KCNIP4: variants seen among roughly 807,000 people sequenced by gnomAD.
The protein encoded by KCNIP4 is Kv channel-interacting protein 4.
A neutral mutation model predicts 34.0 loss-of-function variants in KCNIP4; 12 were observed. That is an observed-to-expected ratio of 0.35 (90% CI 0.23 to 0.57). The LOEUF is 0.57. Among genes scored for constraint, KCNIP4 ranks in the 20% least tolerant of loss-of-function variants. The pLI is 0.83. For synonymous variants in KCNIP4, 124 were observed against 102.2 expected (o/e 1.21, Z -1.29); for missense variants, 238 against 311.7 (o/e 0.76, Z 1.78).
intron 1 of KCNIP4, among the ~76,000 whole-genome samples, chr4:21,099,281 T>C (rs532597995): frequency 1.2e-4 from 18 of 152,276 alleles, no homozygotes; most frequent in Non-Finnish European, 2.2e-4. Context: ...TGGAATACTA[T>C]GCAGCCATAA....
chr4:21,587,454 A>G (rs1329552616), intron 1 of KCNIP4, among the ~76,000 whole-genome samples: 2 of 152,078 alleles, frequency 1.3e-5, no homozygotes, highest in African/African-American at 2.4e-5. Context: ...TCAATTTTCA[A>G]AATAGAAAGA....
intron 1 of KCNIP4, among the ~76,000 whole-genome samples, chr4:20,934,708 TAA>T (rs1413726442): frequency 6.6e-6 from 1 of 152,138 alleles, no homozygotes; most frequent in Non-Finnish European, 1.5e-5. Flanking sequence ...AAAAAATAAG[TAA>T]AAAATATAAA....
intron 1 of KCNIP4, among the ~76,000 whole-genome samples, chr4:21,249,158 A>G (rs1394757110): frequency 6.6e-6 from 1 of 152,170 alleles, no homozygotes; most frequent in Non-Finnish European, 1.5e-5. Flanking sequence ...TAATATTTTC[A>G]GTCTCTGGGG....
At chr4:20,831,163 C>T in intron 3 of KCNIP4, among the ~76,000 whole-genome samples, 1 of 152,020 alleles carries the variant, frequency 6.6e-6, no homozygotes, top group East Asian at 1.9e-4. Context: ...ATTGGAAGGG[C>T]TCAGCAATTG....
intron 1 of KCNIP4, among the ~76,000 whole-genome samples, chr4:21,079,106 C>T (rs1005648602): frequency 7.2e-5 from 11 of 151,996 alleles, no homozygotes; most frequent in African/African-American, 2.7e-4. Flanking sequence ...CTCTATCCTT[C>T]CTGCTTATTT....
At chr4:21,845,700 A>T (rs1723973476) in intron 1 of KCNIP4, 1 of 152,066 alleles carries the variant, frequency 6.6e-6, no homozygotes, top group Admixed American at 6.6e-5. Flanking sequence ...TCGATTCGAC[A>T]TGTAGCTTGG....
At chr4:20,793,717 C>T (rs1437920408) in intron 3 of KCNIP4, among the ~76,000 whole-genome samples, 1 of 151,990 alleles carries the variant, frequency 6.6e-6, no homozygotes, top group Non-Finnish European at 1.5e-5. Context: ...AATTACACAA[C>T]TCACCATAAT....
chr4:20,814,176 C>T (rs891917201), intron 3 of KCNIP4, among the ~76,000 whole-genome samples: 1 of 152,158 alleles, frequency 6.6e-6, no homozygotes, highest in Non-Finnish European at 1.5e-5. Context: ...CAGGTCCCAT[C>T]CCAGGAGAAC....
chr4:21,015,025 T>C (rs1218694090), intron 1 of KCNIP4, among the ~76,000 whole-genome samples: 1 of 152,078 alleles, frequency 6.6e-6, no homozygotes, highest in Non-Finnish European at 1.5e-5. Context: ...AAAGGACGAA[T>C]GTTGTTATTA....
At chr4:21,292,312 C>T (rs1466873158) in intron 1 of KCNIP4, among the ~76,000 whole-genome samples, 2 of 152,128 alleles carry the variant, frequency 1.3e-5, no homozygotes, top group Non-Finnish European at 2.9e-5. Flanking sequence ...AATTTTAAGT[C>T]TTCCATGGTG....
chr4:20,884,403 C>T (rs932816546), intron 1 of KCNIP4, among the ~76,000 whole-genome samples: 1 of 151,968 alleles, frequency 6.6e-6, no homozygotes, highest in East Asian at 1.9e-4. Flanking sequence ...CCCCTTGACC[C>T]CCACCCCCTG....
chr4:20,816,228 T>C (rs1473612972), intron 3 of KCNIP4, among the ~76,000 whole-genome samples: 1 of 142,546 alleles, frequency 7.0e-6, no homozygotes, highest in African/African-American at 2.6e-5. Context: ...CACTCCAGCC[T>C]GGGCAACAGA....
At chr4:21,850,549 A>G (rs1352272688) in intron 1 of KCNIP4, 2 of 152,124 alleles carry the variant, frequency 1.3e-5, no homozygotes, top group Admixed American at 1.3e-4. Flanking sequence ...ACCAGCAAGA[A>G]GTCCCTTCAA....
intron 1 of KCNIP4, among the ~76,000 whole-genome samples, chr4:21,621,031 A>G (rs554536574): frequency 6.6e-6 from 1 of 152,308 alleles, no homozygotes; most frequent in South Asian, 2.1e-4. Context: ...GGCTCCGTAC[A>G]GAAACTCTTA....
At chr4:20,886,033 A>C (rs62295425) in intron 1 of KCNIP4, among the ~76,000 whole-genome samples, 10 of 152,242 alleles carry the variant, frequency 6.6e-5, no homozygotes, top group Non-Finnish European at 1.3e-4. Flanking sequence ...AAGTATAATT[A>C]AAACAATTCA....
At chr4:21,361,304 T>G (rs942960236) in intron 1 of KCNIP4, among the ~76,000 whole-genome samples, 1 of 152,086 alleles carries the variant, frequency 6.6e-6, no homozygotes, top group Non-Finnish European at 1.5e-5. Flanking sequence ...TATTTCATCA[T>G]AATGAAATCA....
chr4:21,349,399 T>G (rs1717780900), intron 1 of KCNIP4, among the ~76,000 whole-genome samples: 1 of 152,108 alleles, frequency 6.6e-6, no homozygotes, highest in Non-Finnish European at 1.5e-5. Context: ...CCTGCTGAAA[T>G]AGAGGAGTCG....
chr4:21,844,046 C>A (rs1381525327), intron 1 of KCNIP4: 2 of 151,644 alleles, frequency 1.3e-5, no homozygotes, highest in Non-Finnish European at 2.9e-5. Flanking sequence ...AGAGAGCTTG[C>A]AATGCATTCA....
At chr4:21,874,570 TC>T (rs1725991172) in intron 1 of KCNIP4, among the ~76,000 whole-genome samples, 1 of 152,142 alleles carries the variant, frequency 6.6e-6, no homozygotes, top group African/African-American at 2.4e-5. Context: ...TAGCCACAGC[TC>T]TCTCCAGATT....
Sources: gnomAD v4.1 joint callset for allele counts (sites outside exome capture counted in the v4.1 genomes callset) on GRCh38, gnomAD v4.1.1 for gene constraint, MANE v1.5 for transcripts, NCBI Gene and HGNC (gene_info 2026-07-23, HGNC 2026-07-21) for gene names.